TLK1: variants seen among roughly 807,000 people sequenced by gnomAD.
TLK1 encodes serine/threonine-protein kinase tousled-like 1.
A neutral mutation model predicts 105.3 loss-of-function variants in TLK1; 24 were observed. That is an observed-to-expected ratio of 0.23 (90% CI 0.17 to 0.32). The LOEUF is 0.32. Among genes scored for constraint, TLK1 ranks in the 10% least tolerant of loss-of-function variants. TLK1 has a pLI of 1.00. For missense variants in TLK1, 558 were observed against 910.5 expected, an observed-to-expected ratio of 0.61 and a Z score of 4.98; for synonymous variants, 321 against 310.4, an observed-to-expected ratio of 1.03 and a Z score of -0.36.
At chr2:171,155,540 G>C (rs1025376996) in intron 1 of TLK1, 5 of 149,556 alleles carry the variant, frequency 3.3e-5, no homozygotes, top group Admixed American at 6.7e-5. Context: ...ATATATATAA[G>C]TATAGTTTAA....
At chr2:171,001,818 G>T (rs1684389759) in intron 18 of TLK1, among the ~76,000 whole-genome samples, 1 of 152,002 alleles carries the variant, frequency 6.6e-6, no homozygotes, top group Non-Finnish European at 1.5e-5. Flanking sequence ...GAATCTTGCT[G>T]TTGCCCAGGC....
upstream of TLK1, among the ~76,000 whole-genome samples, chr2:171,161,887 TACA>T (rs1441416664): frequency 1.2e-4 from 19 of 152,178 alleles, no homozygotes; most frequent in Non-Finnish European, 1.9e-4. Context: ...TCAGGAAAAG[TACA>T]ACAAGGTTAT....
intron 1 of TLK1, among the ~76,000 whole-genome samples, chr2:171,141,125 G>C (rs1436181172): frequency 6.6e-6 from 1 of 152,146 alleles, no homozygotes; most frequent in Non-Finnish European, 1.5e-5. Context: ...GCAAATTTAA[G>C]AATGTTTAAT....
chr2:171,181,499 G>T (rs1041533956), intron 1 of TLK1, among the ~76,000 whole-genome samples: 3 of 152,178 alleles, frequency 2.0e-5, no homozygotes, highest in East Asian at 3.9e-4. Flanking sequence ...TAAAGAAAAG[G>T]TTTATTTGGC....
At chr2:171,076,230 GA>G (rs1251019163) in intron 3 of TLK1, among the ~76,000 whole-genome samples, 1 of 150,212 alleles carries the variant, frequency 6.7e-6, no homozygotes, top group Non-Finnish European at 1.5e-5. Context: ...AGGGCGGGGG[GA>G]GAAAAAGAGG....
At chr2:171,132,245 C>T (rs1297977671) in intron 1 of TLK1, among the ~76,000 whole-genome samples, 2 of 152,146 alleles carry the variant, frequency 1.3e-5, no homozygotes, top group African/African-American at 4.8e-5. Context: ...ACTTACAAAA[C>T]CATTACATCT....
intron 1 of TLK1, among the ~76,000 whole-genome samples, chr2:171,208,403 C>T (rs1308449191): frequency 6.6e-6 from 1 of 151,956 alleles, no homozygotes; most frequent in East Asian, 1.9e-4. Context: ...TGTTTAAATG[C>T]TCAAGGAAAC....
Position 171,214,287 on chromosome 2 carries a change from G to C in TLK1, c.-6+16858C>G, listed in dbSNP as rs551095677. 2.6e-5 allele frequency among the ~76,000 whole-genome samples: 4 copies of C among 152,202 alleles called. No homozygotes were observed. In the South Asian group the frequency reaches 8.3e-4, roughly 32 times the overall value. The stretch of plus-strand genomic sequence containing the variant: ...TGCCTCTTAGTATCCATACGGCTTG[G>C]GTGAGTCACGTAACCCTTCTGCACC... On this transcript the variant is annotated intron_variant, in intron 1 of 20. Coordinates refer to the TLK1 transcript ENST00000521943.
chr2:171,148,890 A>AAAAAAAT (rs1445171800), intron 1 of TLK1, among the ~76,000 whole-genome samples: 1 of 138,470 alleles, frequency 7.2e-6, no homozygotes, highest in African/African-American at 2.7e-5. Context: ...AAAAAAAAAA[A>AAAAAAAT]ATATATATAT....
intron 4 of TLK1, among the ~76,000 whole-genome samples, chr2:171,060,374 T>C (rs1687695356): frequency 6.6e-6 from 1 of 152,152 alleles, no homozygotes; most frequent in Non-Finnish European, 1.5e-5. Flanking sequence ...TAAAATGACT[T>C]ACCCTTCCTT....
intron 1 of TLK1, among the ~76,000 whole-genome samples, chr2:171,193,866 C>G (rs116575551): frequency 2.0e-5 from 3 of 151,920 alleles, no homozygotes; most frequent in Non-Finnish European, 2.9e-5. Flanking sequence ...TACAGGCACC[C>G]GCCACCTCAT....
intron 12 of TLK1, among the ~76,000 whole-genome samples, chr2:171,015,733 C>CACACACACACA (rs1685169621): frequency 0.026 from 208 of 8,146 alleles, 2 homozygotes; most frequent in African/African-American, 0.035. Flanking sequence ...ACACACACAC[C>CACACACACACA]CACCCCTTTT....
chr2:171,198,779 G>A (rs2105318827), intron 1 of TLK1, among the ~76,000 whole-genome samples: 1 of 152,320 alleles, frequency 6.6e-6, no homozygotes, highest in Non-Finnish European at 1.5e-5. Flanking sequence ...CTCCAATCTA[G>A]AAAAGCAAAT....
rs1016961130 is a variant in TLK1 at position 171,050,903 on chromosome 2, A to G, written c.733-729T>C. On this transcript the variant is annotated intron_variant, in intron 8 of 20. Transcript: ENST00000431350. ...AAGGACCTGAAAATTTCCGTTTCTA[A>G]TAAGTTCTCCAGTAATACTGATGCT... is the stretch of plus-strand genomic sequence containing the variant. 2.6e-5 allele frequency among the ~76,000 whole-genome samples: 4 copies of G among 152,206 alleles called. No individual in the cohort carries two copies. In the East Asian group the frequency reaches 5.8e-4, roughly 22 times the overall value.
intron 1 of TLK1, among the ~76,000 whole-genome samples, chr2:171,179,307 T>C (rs961521802): frequency 6.6e-6 from 1 of 152,246 alleles, no homozygotes; most frequent in Non-Finnish European, 1.5e-5. Context: ...ATTTTTTTCT[T>C]TCTCATTCTC....
upstream of TLK1, chr2:171,160,898 GT>G: frequency 3.6e-6 from 1 of 278,946 alleles, no homozygotes; most frequent in Non-Finnish European, 6.5e-6. The surrounding 1 kb of genome is among the most constrained non-coding windows in gnomAD (Gnocchi z 4.4). Context: ...CTCTGCATCA[GT>G]TACAGGCGGC....
chr2:171,059,906 C>T lies in TLK1; in HGVS notation c.406+1175G>A, dbSNP rs750426838. ...GAGGCCGAGCTTAGGCGGTAATGCT[C>T]ACTGGCCCGCTGCTCACCTCCTGCT... On this transcript the variant is annotated intron_variant, in intron 4 of 20. Coordinates refer to ENST00000431350, the MANE Select transcript of TLK1 (RefSeq NM_012290.5). 4.0e-6 allele frequency: 5 copies of T among 1,254,250 alleles called. No individual in the cohort carries two copies. The Admixed American group carries it at 6.7e-5, about 17-fold the overall frequency. 77.7% of individuals were successfully genotyped at this position (1,254,250 alleles called of 1,614,324 possible). A position where few individuals can be genotyped will look rare whatever the true frequency, so the allele number is the denominator to read the frequency against.
intron 14 of TLK1, among the ~76,000 whole-genome samples, chr2:171,009,273 C>G (rs1354684748): frequency 7.0e-6 from 1 of 142,910 alleles, no homozygotes; most frequent in Non-Finnish European, 1.5e-5. Context: ...TCCCATGCAA[C>G]AGTCAGGATT....
At chr2:171,097,130 A>G (rs1385406802) in intron 2 of TLK1, among the ~76,000 whole-genome samples, 1 of 152,236 alleles carries the variant, frequency 6.6e-6, no homozygotes, top group East Asian at 1.9e-4. Flanking sequence ...AAAAATAGAC[A>G]TATAAACCAA....
Sources: gnomAD v4.1 joint callset for allele counts (sites outside exome capture counted in the v4.1 genomes callset) on GRCh38, gnomAD v4.1.1 for gene constraint, Gnocchi (gnomAD v3.1) non-coding constraint, MANE v1.5 for transcripts, NCBI Gene and HGNC (gene_info 2026-07-23, HGNC 2026-07-21) for gene names.